GPR158: variants seen among roughly 807,000 people sequenced by gnomAD.
GPR158 encodes G protein-coupled receptor 158, also known as metabotropic glycine receptor.
In GPR158, 30 loss-of-function variants were observed where a neutral mutation model predicts 78.2. The ratio of observed to expected loss-of-function variants is 0.38; its 90% CI spans 0.29 to 0.52. The LOEUF (loss-of-function observed/expected upper bound fraction) is 0.52. GPR158 is among the 20% of genes least tolerant of loss of function. GPR158 has a pLI of 0.83. For missense variants in GPR158, 1,463 were observed against 1,523.5 expected (o/e 0.96, Z 0.66); for synonymous variants, 581 against 591.1 (o/e 0.98, Z 0.25).
At chr10:25,403,520 G>A (rs1188876021) in intron 3 of GPR158, among the ~76,000 whole-genome samples, 1 of 151,910 alleles carries the variant, frequency 6.6e-6, no homozygotes, top group Non-Finnish European at 1.5e-5. Flanking sequence ...TGTTTTATCT[G>A]AAAGTTCTAA....
chr10:25,581,079 C>T (rs936040644), intron 7 of GPR158, among the ~76,000 whole-genome samples: 4 of 150,904 alleles, frequency 2.7e-5, no homozygotes, highest in African/African-American at 7.3e-5. Context: ...CGCCCGCCAC[C>T]GCGCCCGGCT....
intron 2 of GPR158, among the ~76,000 whole-genome samples, chr10:25,325,308 TG>T (rs1356327040): frequency 6.6e-6 from 1 of 152,210 alleles, no homozygotes; most frequent in Non-Finnish European, 1.5e-5. Context: ...TTTGTCTTTC[TG>T]GGCCTGGCTT....
chr10:25,189,398 G>A (rs1031917936), intron 1 of GPR158, among the ~76,000 whole-genome samples: 6 of 151,756 alleles, frequency 4.0e-5, no homozygotes, highest in Admixed American at 6.6e-5. Context: ...AATGTCCATC[G>A]ATGATAGACT....
intron 2 of GPR158, among the ~76,000 whole-genome samples, 167 bp from the exon 3 acceptor site, chr10:25,395,743 TA>T (rs531372454): frequency 5.7e-4 from 87 of 152,168 alleles, no homozygotes; most frequent in African/African-American, 1.5e-3. Context: ...TTACTGCTTC[TA>T]AAAAAAATTG....
At chr10:25,393,277 C>T (rs1332187872) in intron 2 of GPR158, among the ~76,000 whole-genome samples, 1 of 152,120 alleles carries the variant, frequency 6.6e-6, no homozygotes, top group Non-Finnish European at 1.5e-5. Context: ...TGAGTCATAT[C>T]ATCATGAAAT....
At chr10:25,367,601 A>T (rs1855742976) in intron 2 of GPR158, among the ~76,000 whole-genome samples, 1 of 151,822 alleles carries the variant, frequency 6.6e-6, no homozygotes, top group Non-Finnish European at 1.5e-5. Flanking sequence ...ACCCATAAAC[A>T]TGAGAATATC....
At chr10:25,253,749 T>G (rs572641181) in intron 2 of GPR158, among the ~76,000 whole-genome samples, 1 of 152,178 alleles carries the variant, frequency 6.6e-6, no homozygotes, top group Non-Finnish European at 1.5e-5. Flanking sequence ...TAATGATGTA[T>G]AAAATGGTTC....
At chr10:25,363,363 T>A (rs1855670756) in intron 2 of GPR158, among the ~76,000 whole-genome samples, 1 of 151,970 alleles carries the variant, frequency 6.6e-6, no homozygotes, top group South Asian at 2.1e-4. Flanking sequence ...TTAATTCATA[T>A]GACTAAGCAT....
intron 4 of GPR158, among the ~76,000 whole-genome samples, chr10:25,426,813 GA>G (rs1452634311): frequency 6.6e-6 from 1 of 151,978 alleles, no homozygotes; most frequent in East Asian, 1.9e-4. Flanking sequence ...GTCAGTGAGA[GA>G]TTTGCTTGAT....
chr10:25,588,570 C>A (rs1837300755), intron 7 of GPR158, among the ~76,000 whole-genome samples: 1 of 152,200 alleles, frequency 6.6e-6, no homozygotes, highest in Non-Finnish European at 1.5e-5. Context: ...GGGCTTAGTG[C>A]AGTTAGAACT....
chr10:25,461,449 A>T (rs1835357735), intron 4 of GPR158, among the ~76,000 whole-genome samples: 1 of 152,212 alleles, frequency 6.6e-6, no homozygotes, highest in African/African-American at 2.4e-5. Flanking sequence ...CCTAATCCAA[A>T]GCAAGGGCCT....
chr10:25,537,869 C>T (rs1003607719), intron 5 of GPR158, among the ~76,000 whole-genome samples: 2 of 152,120 alleles, frequency 1.3e-5, no homozygotes, highest in African/African-American at 4.8e-5. Flanking sequence ...TTCCCCTTCA[C>T]CTTCTATGGT....
intron 2 of GPR158, among the ~76,000 whole-genome samples, chr10:25,240,629 C>T (rs1239715855): frequency 2.0e-5 from 3 of 149,632 alleles, no homozygotes; most frequent in African/African-American, 7.4e-5. Context: ...ACATTGTCTG[C>T]TGATAGAACG....
intron 2 of GPR158, among the ~76,000 whole-genome samples, chr10:25,312,038 T>C (rs1475959100): frequency 6.6e-6 from 1 of 152,042 alleles, no homozygotes; most frequent in Non-Finnish European, 1.5e-5. Context: ...ATATGAAAAT[T>C]ATCTGGCCTT....
At chr10:25,358,938 A>G (rs769391942) in intron 2 of GPR158, among the ~76,000 whole-genome samples, 1 of 152,014 alleles carries the variant, frequency 6.6e-6, no homozygotes, top group Admixed American at 6.6e-5. Context: ...GTGTTCTGCT[A>G]TTGTTGAATT....
chr10:25,578,965 C>T (rs189881981), intron 7 of GPR158, among the ~76,000 whole-genome samples: 15 of 151,966 alleles, frequency 9.9e-5, no homozygotes, highest in African/African-American at 3.6e-4. Flanking sequence ...GCCAAGATCA[C>T]GCCACTGCAC....
rs1176433576 is a variant in GPR158, at chr10:25,176,686, T to G, written c.902+364T>G. On this transcript the variant is annotated intron_variant, in intron 1 of 10. Transcript: ENST00000376351. This position sits in a 1 kb window ranked among gnomAD's most constrained non-coding sequence, Gnocchi z 6.3. ...CCCCACCGGGGGGCGATGCGACAACTTGGCGAGCGCCGGGTGTGTCCGCGG... is the reference window on the plus strand; with the variant it reads ...CCCCACCGGGGGGCGATGCGACAACGTGGCGAGCGCCGGGTGTGTCCGCGG... Among the ~76,000 whole-genome samples the G allele has an allele frequency of 6.6e-6, 1 of 152,180 alleles. No individual in the cohort carries two copies. The highest frequency in any genetic ancestry group is 2.4e-5 in the African/African-American group (1 of 41,460).
At chr10:25,214,025 C>T (rs12258187) in intron 1 of GPR158, among the ~76,000 whole-genome samples, 6,014 of 152,098 alleles carry the variant, frequency 0.04, 411 homozygotes, top group African/African-American at 0.14. Context: ...GATGGAGTCT[C>T]GCTCTATCGC....
At chr10:25,424,659 G>GT (rs1834795197) in intron 4 of GPR158, among the ~76,000 whole-genome samples, 1 of 151,670 alleles carries the variant, frequency 6.6e-6, no homozygotes, top group African/African-American at 2.4e-5. Context: ...CCCATTTCTT[G>GT]TTTTTGTCAG....
Sources: gnomAD v4.1 joint callset for allele counts (sites outside exome capture counted in the v4.1 genomes callset) on GRCh38, gnomAD v4.1.1 for gene constraint, Gnocchi (gnomAD v3.1) non-coding constraint, MANE v1.5 for transcripts, NCBI Gene and HGNC (gene_info 2026-07-23, HGNC 2026-07-21) for gene names.